Variants in TYW1B observed in about 807,000 individuals in gnomAD.
The protein encoded by TYW1B is tRNA-yW synthesizing protein 1 homolog B.
Under a neutral mutation model 86.9 loss-of-function variants are expected in TYW1B, and 73 were observed. The ratio of observed to expected loss-of-function variants is 0.84; its 90% CI spans 0.70 to 1.02. The LOEUF is 1.02. Among genes scored for constraint, TYW1B ranks in the 50% least tolerant of loss-of-function variants. TYW1B has a pLI of 0.00. For missense variants in TYW1B, 637 were observed against 827.4 expected (o/e 0.77, Z 2.82); for synonymous variants, 248 against 292.8 (o/e 0.85, Z 1.56).
At chr7:72,734,800 T>A (rs1165384866) in intron 8 of TYW1B, among the ~76,000 whole-genome samples, 9 of 151,174 alleles carry the variant, frequency 6.0e-5, no homozygotes, top group African/African-American at 2.2e-4. Flanking sequence ...AAAGGTCGAA[T>A]GATGTAAATA....
At chr7:72,674,313 T>C (rs1256072378) in intron 11 of TYW1B, among the ~76,000 whole-genome samples, 7 of 152,076 alleles carry the variant, frequency 4.6e-5, no homozygotes, top group Admixed American at 6.6e-5. Flanking sequence ...TGGTGTGACA[T>C]TGTGGGCCTC....
chr7:72,713,233 G>A (rs1222157704), intron 10 of TYW1B, among the ~76,000 whole-genome samples: 2 of 149,724 alleles, frequency 1.3e-5, no homozygotes, highest in East Asian at 2.0e-4. Flanking sequence ...CCTAGGAGGC[G>A]GAGGTAGCAG....
At chr7:72,743,689 C>T (rs1481516460) in intron 8 of TYW1B, among the ~76,000 whole-genome samples, 1 of 151,712 alleles carries the variant, frequency 6.6e-6, no homozygotes, top group Non-Finnish European at 1.5e-5. Flanking sequence ...ACTAAAAATA[C>T]AAAAATTAGC....
At chr7:72,773,783 G>T (rs1232611645) in intron 7 of TYW1B, among the ~76,000 whole-genome samples, 2 of 152,126 alleles carry the variant, frequency 1.3e-5, no homozygotes, top group Non-Finnish European at 2.9e-5. Flanking sequence ...TCCCAAATGG[G>T]ATGGGCATGG....
chr7:72,652,250 C>T (rs1412735382), intron 11 of TYW1B, among the ~76,000 whole-genome samples: 7 of 151,540 alleles, frequency 4.6e-5, no homozygotes, highest in African/African-American at 1.7e-4. Context: ...TGGTGGCAGG[C>T]GCCTGAAGTC....
At chr7:72,597,397 G>A (rs145659112) in intron 13 of TYW1B, among the ~76,000 whole-genome samples, 2,827 of 140,650 alleles carry the variant, frequency 0.02, no homozygotes, top group Middle Eastern at 0.044. Flanking sequence ...TATGAGCAAC[G>A]TAATCAACTC....
chr7:72,713,812 T>C lies in TYW1B; in HGVS notation c.1193-14A>G. Reference sequence around the variant, plus strand: ...CGCCCGGTACTCCTGGAGAATACAGTGAGAAGGACCCAGCTACATAAGGCA... The same window carrying C: ...CGCCCGGTACTCCTGGAGAATACAGCGAGAAGGACCCAGCTACATAAGGCA... On this transcript the variant is annotated splice_polypyrimidine_tract_variant and intron_variant, in intron 9 of 13. Coordinates refer to ENST00000620995, the MANE Select transcript of TYW1B (RefSeq NM_001145440.3). The C allele has an allele frequency of 1.3e-6, 2 of 1,553,828 alleles. No individual in the cohort carries two copies. The highest frequency in any genetic ancestry group is 1.4e-5 in the African/African-American group (1 of 73,064).
intron 7 of TYW1B, among the ~76,000 whole-genome samples, chr7:72,748,147 T>G (rs1787427967): frequency 6.6e-6 from 1 of 152,106 alleles, no homozygotes; most frequent in South Asian, 2.1e-4. Flanking sequence ...CGGGCGCCTG[T>G]AGTCCCAGCT....
rs569578588 is a variant in TYW1B at position 72,743,900 on chromosome 7, C to T, written c.1082+584G>A. ...GAAATGGGTTAGTAGCAAGCACCAC[C>T]ACCCCCAAAAAGAGAGAGGCAGAAT... is the stretch of plus-strand genomic sequence containing the variant. On this transcript the variant is annotated intron_variant, in intron 8 of 13. Coordinates refer to ENST00000620995, the MANE Select transcript of TYW1B (RefSeq NM_001145440.3). Among the ~76,000 whole-genome samples the T allele has an allele frequency of 5.9e-5, 9 of 151,290 alleles. No individual in the cohort carries two copies. The East Asian group carries it at 1.7e-3, about 29-fold the overall frequency.
At chr7:72,800,579 A>G (rs1181774015) in intron 6 of TYW1B, among the ~76,000 whole-genome samples, 5 of 151,894 alleles carry the variant, frequency 3.3e-5, no homozygotes, top group Non-Finnish European at 7.4e-5. Flanking sequence ...ATTCCTACAT[A>G]TTCTTAGAAT....
intron 13 of TYW1B, among the ~76,000 whole-genome samples, chr7:72,576,537 G>T (rs1388846779): frequency 6.9e-6 from 1 of 144,626 alleles, no homozygotes; most frequent in African/African-American, 2.6e-5. Flanking sequence ...TTTTGAGACG[G>T]AGTCTCGCTC....
chr7:72,821,910 C>T (rs150936253), intron 2 of TYW1B, among the ~76,000 whole-genome samples: 2 of 151,842 alleles, frequency 1.3e-5, no homozygotes, highest in East Asian at 3.9e-4. Context: ...AAAGGTAACT[C>T]GATATGAAAG....
chr7:72,800,240 C>A (rs1220515130), intron 6 of TYW1B, among the ~76,000 whole-genome samples: 1 of 151,396 alleles, frequency 6.6e-6, no homozygotes, highest in African/African-American at 2.4e-5. Flanking sequence ...CAATGTCATG[C>A]AGGCCGGGGT....
chr7:72,798,734 TGCAAG>T (rs1261803848), intron 6 of TYW1B, among the ~76,000 whole-genome samples: 1 of 152,216 alleles, frequency 6.6e-6, no homozygotes, highest in African/African-American at 2.4e-5. Context: ...GACTCCCACC[TGCAAG>T]GTATGAGTGC....
intron 7 of TYW1B, among the ~76,000 whole-genome samples, chr7:72,773,493 C>T (rs530933719): frequency 1.2e-4 from 18 of 152,284 alleles, no homozygotes; most frequent in South Asian, 2.1e-4. Context: ...CAAAGAGAGA[C>T]GACCCAAGCG....
chr7:72,672,998 A>G (rs1229279893), intron 11 of TYW1B, among the ~76,000 whole-genome samples: 1 of 152,110 alleles, frequency 6.6e-6, no homozygotes, highest in Admixed American at 6.5e-5. Flanking sequence ...GTGAAACCCC[A>G]TCTCTACTAA....
intron 8 of TYW1B, among the ~76,000 whole-genome samples, chr7:72,737,657 C>G (rs1156629356): frequency 6.6e-6 from 1 of 152,118 alleles, no homozygotes; most frequent in Non-Finnish European, 1.5e-5. Context: ...TGATGTGATC[C>G]CAATACTTCA....
chr7:72,714,598 G>A (rs1337691631), intron 9 of TYW1B, among the ~76,000 whole-genome samples: 1 of 151,768 alleles, frequency 6.6e-6, no homozygotes, highest in African/African-American at 2.4e-5. Context: ...ACTCCAGCCT[G>A]GATGACAGAG....
chr7:72,592,152 T>C (rs1811410208), intron 13 of TYW1B, among the ~76,000 whole-genome samples: 1 of 114,246 alleles, frequency 8.8e-6, no homozygotes, highest in Admixed American at 1.1e-4. Context: ...GTTAACACAC[T>C]AATGTGTTAA....
Sources: gnomAD v4.1 joint callset for allele counts (sites outside exome capture counted in the v4.1 genomes callset) on GRCh38, gnomAD v4.1.1 for gene constraint, MANE v1.5 for transcripts, NCBI Gene and HGNC (gene_info 2026-07-23, HGNC 2026-07-21) for gene names.